DNHD1: variants seen among roughly 807,000 people sequenced by gnomAD.
DNHD1 encodes dynein heavy chain domain 1.
DNHD1 carries 383 observed loss-of-function variants against 458.1 expected under a neutral mutation model. The ratio of observed to expected loss-of-function variants is 0.84; its 90% confidence interval spans 0.77 to 0.91. The LOEUF is 0.91. Ranked by LOEUF, DNHD1 falls within the 40% of genes least tolerant of loss-of-function variation. DNHD1 has a pLI of 0.00. For missense variants in DNHD1, 5,336 were observed against 5,866.1 expected, an observed-to-expected ratio of 0.91 and a Z score of 2.95; for synonymous variants, 2,203 against 2,376.9, an observed-to-expected ratio of 0.93 and a Z score of 2.13.
In DNHD1 at chr11:6,538,786, C is replaced by G; in HGVS notation, c.3301C>G (p.Leu1101Val). The G allele has an allele frequency of 2.0e-6, 3 of 1,526,092 alleles. No homozygotes were observed. The highest frequency in any genetic ancestry group is 2.7e-6 in the Non-Finnish European group (3 of 1,131,930). The allele number at this position is 1,526,092 out of a possible 1,614,324, so 94.5% of individuals were successfully genotyped here. A position where few individuals can be genotyped will look rare whatever the true frequency, so the allele number is the denominator to read the frequency against. The change falls in exon 16 of 43, where the codon CTC (leucine) becomes GTC (valine). Residue 1101 changes from leucine to valine, a missense_variant. By Grantham distance (32) the Leu-to-Val change is conservative (BLOSUM62 1). Coordinates refer to ENST00000254579, the MANE Select transcript of DNHD1 (RefSeq NM_144666.3). ...TKLGSLHPQS[L>V]NCQCLLRALG... Reference sequence around the variant, plus strand: ...GCTGGGCAGCCTCCACCCACAGAGCCTCAACTGCCAGTGTCTCCTGCGTGG... The same window carrying G: ...GCTGGGCAGCCTCCACCCACAGAGCGTCAACTGCCAGTGTCTCCTGCGTGG...
At position 6,533,747 on chromosome 11, in the gene DNHD1, G is replaced by A. The variant is rs761053021; in HGVS notation, c.2572G>A (p.Glu858Lys). 1.1e-4 allele frequency: 167 copies of A among 1,551,350 alleles called. No individual in the cohort carries two copies. The highest frequency in any genetic ancestry group is 1.3e-4 in the Non-Finnish European group (146 of 1,146,954). The change falls in exon 14 of 43, where the codon GAA becomes AAA. Residue 858 changes from glutamate (E) to lysine (K), a missense_variant. Physicochemically the swap from Glu to Lys is moderately conservative, Grantham distance 56 (BLOSUM62 1). Transcript: ENST00000254579. ...AATGGAATACGTACGGGCACTCCAC[G>A]AACTCATCCGCAACCACTTTAGCCT... ...ERMEYVRALH[E>K]LIRNHFSLFS...
At chr11:6,534,212 A>G (rs1196181093) in intron 14 of DNHD1, 39 bp downstream of exon 14, 1 of 1,533,830 alleles carries the variant, frequency 6.5e-7, no homozygotes, top group Admixed American at 2.0e-5. Context: ...TCACTCTGTG[A>G]TAGACCCTTC....
Position 6,539,902 on chromosome 11 carries a change from T to A in DNHD1, c.3447T>A (p.Ile1149=), listed in dbSNP as rs1853057627. Residue 1149 remains isoleucine (I), a synonymous_variant, in exon 18 of 43, where the codon ATT becomes ATA. Transcript: ENST00000254579. Reference sequence around the variant, plus strand: ...TCTGGCAGAATGAAAATGAACGAATTCATGCCCAAGAGACTATACGGCGGT... The same window carrying A: ...TCTGGCAGAATGAAAATGAACGAATACATGCCCAAGAGACTATACGGCGGT... ...NQVWQNENER[I]HAQETIRRLQ... is the part of the protein sequence containing the mutation. The A allele has an allele frequency of 6.4e-7, 1 of 1,551,554 alleles. No individual in the cohort carries two copies. The highest frequency in any genetic ancestry group is 2.0e-5 in the Admixed American group (1 of 50,978).
Position 6,502,899 on chromosome 11 carries a change from T to A in DNHD1, c.893T>A (p.Leu298His). 6.2e-7 allele frequency: 1 copy of A among 1,613,724 alleles called. No homozygotes were observed. Residue 298 changes from leucine (L) to histidine (H), a missense_variant, in exon 4 of 43, where the codon CTC becomes CAC. By Grantham distance (99) the Leu-to-His change is moderately conservative. This residue lies in a region of DNHD1 where 3,932 missense variants were observed against 4,365.6 expected (regional missense o/e 0.90). Coordinates refer to ENST00000254579, the MANE Select transcript of DNHD1 (RefSeq NM_144666.3). ...RYLKKIHFLY[L>H]NVAPSRYFRP... ...CTGAAGAAGATCCACTTCCTCTATC[T>A]CAATGTGGCTCCCAGCCGGTACTTT...
Position 6,570,852 on chromosome 11 carries a change from A to G in DNHD1, c.13340A>G (p.Asn4447Ser), listed in dbSNP as rs759034183. 2.5e-6 allele frequency: 4 copies of G among 1,614,046 alleles called. No homozygotes were observed. The highest frequency in any genetic ancestry group is 3.3e-5 in the Admixed American group (2 of 60,036). Reference protein sequence around the residue: ...RRLRQRLVQVNRRLESLQDLL... With the variant: ...RRLRQRLVQVSRRLESLQDLL... ...CTGCGGCAACGCCTAGTGCAAGTCA[A>G]CCGGAGGCTGGAGTCACTGCAGGAT... is the stretch of plus-strand genomic sequence containing the variant. Residue 4447 changes from asparagine to serine, a missense_variant, in exon 42 of 43, where the codon AAC becomes AGC. Asn to Ser is a conservative substitution (Grantham distance 46). Transcript: ENST00000254579.
intron 3 of DNHD1, 97 bp from the exon 4 acceptor site, chr11:6,502,656 C>A: frequency 8.5e-7 from 1 of 1,179,766 alleles, no homozygotes; most frequent in Non-Finnish European, 1.2e-6. Context: ...GGCACCTGAT[C>A]TAGTCCTCCT....
Position 6,519,382 on chromosome 11 carries a change from C to T in DNHD1, c.1393-218C>T, listed in dbSNP as rs151288183. Among the ~76,000 whole-genome samples, 1,345 of 152,288 alleles carry T rather than the reference C, an allele frequency of 8.8e-3. 19 individuals are homozygous for T. The highest frequency in any genetic ancestry group is 0.03 in the African/African-American group (1,265 of 41,546). ...AGGCCTGGCCTACCACATTAGCACACTGTGACCTCTCAATATATGTTCTCT... is the reference window on the plus strand; with the variant it reads ...AGGCCTGGCCTACCACATTAGCACATTGTGACCTCTCAATATATGTTCTCT... On this transcript the variant is annotated intron_variant, in intron 7 of 42. Transcript: ENST00000254579.
chr11:6,518,943 G>T (rs1852546719), intron 7 of DNHD1, among the ~76,000 whole-genome samples: 1 of 152,268 alleles, frequency 6.6e-6, no homozygotes, highest in Middle Eastern at 3.4e-3. Context: ...GGAAAGCAGG[G>T]AAGACAAAGG....
rs907194185 is a variant in DNHD1, at chr11:6,545,502, C to T, written c.4563C>T (p.Ala1521=). The part of the protein sequence containing the change: ...VLVAEEVVWR[A]EMEEALLEWG... ...TGGCAGAGGAGGTGGTATGGCGGGC[C>T]GAGATGGAGGAGGCTCTGCTTGAGT... The change falls in exon 21 of 43, where the codon GCC becomes GCT. Residue 1521 remains alanine, a synonymous_variant. Coordinates refer to ENST00000254579, the MANE Select transcript of DNHD1 (RefSeq NM_144666.3). This position sits in a 1 kb window ranked among gnomAD's most constrained non-coding sequence, Gnocchi z 4.9. 41 of 1,551,522 alleles carry T rather than the reference C, an allele frequency of 2.6e-5. No individual in the cohort carries two copies. Among genetic ancestry groups the T allele is most frequent in the Non-Finnish European group, 2.9e-5 (33 of 1,146,998 alleles).
chr11:6,498,013 T>G lies in DNHD1; in HGVS notation c.-203T>G, dbSNP rs1315646914. The G allele has an allele frequency of 1.5e-6, 1 of 681,088 alleles. No homozygotes were observed. Among genetic ancestry groups the G allele is most frequent in the Non-Finnish European group, 2.5e-6 (1 of 399,040 alleles). 42.2% of individuals were successfully genotyped at this position (681,088 alleles called of 1,614,324 possible). ...TCTGGCTCTGCTCTGTAGCTCCATCTATTTCCCTGTCCCAGGTCCTTTCTT... is the reference window on the plus strand; with the variant it reads ...TCTGGCTCTGCTCTGTAGCTCCATCGATTTCCCTGTCCCAGGTCCTTTCTT... On this transcript the variant is annotated 5_prime_UTR_variant, in exon 3 of 43. Transcript: ENST00000254579.
chr11:6,525,255 T>C (rs1852687657), intron 10 of DNHD1, among the ~76,000 whole-genome samples: 1 of 152,194 alleles, frequency 6.6e-6, no homozygotes, highest in Admixed American at 6.5e-5. Context: ...AGACTCACTT[T>C]TACATCTCAC....
At chr11:6,499,434 G>A (rs10839567) in intron 3 of DNHD1, among the ~76,000 whole-genome samples, 84,860 of 151,956 alleles carry the variant, frequency 0.56, 24,689 homozygotes, top group African/African-American at 0.7. Context: ...GACTTAAACC[G>A]GCTCCAAGGC....
intron 10 of DNHD1, 84 bp from the exon 11 acceptor site, chr11:6,528,438 C>T (rs4296019): frequency 0.11 from 109,211 of 1,001,808 alleles, 2,115 homozygotes; most frequent in Middle Eastern, 0.13. Context: ...TGTGTGTGTA[C>T]ACACACTGAG....
At chr11:6,503,024 T>G in intron 4 of DNHD1, 98 bp downstream of exon 4, 2 of 1,328,008 alleles carry the variant, frequency 1.5e-6, no homozygotes, top group Non-Finnish European at 2.1e-6. Context: ...CCCTTCTCCC[T>G]GTCCTTTCTC....
intron 10 of DNHD1, among the ~76,000 whole-genome samples, chr11:6,525,794 G>A (rs1852699140): frequency 6.6e-6 from 1 of 152,088 alleles, no homozygotes; most frequent in South Asian, 2.1e-4. Flanking sequence ...ATTATGAGTT[G>A]CTATCAAAAA....
chr11:6,556,677 C>A lies in DNHD1; in HGVS notation c.7388-6C>A. 2.6e-6 allele frequency: 4 copies of A among 1,537,174 alleles called. No individual in the cohort carries two copies. Among genetic ancestry groups the A allele is most frequent in the Non-Finnish European group, 3.5e-6 (4 of 1,136,682 alleles). On this transcript the variant is annotated splice_region_variant and splice_polypyrimidine_tract_variant and intron_variant, in intron 24 of 42. Coordinates refer to ENST00000254579, the MANE Select transcript of DNHD1 (RefSeq NM_144666.3). ...TGTCCTCATTATTATTCCTCATGTC[C>A]CATAGACCCAGAGAAGAGCTGCCAG...
intron 41 of DNHD1, 56 bp downstream of exon 41, chr11:6,570,452 C>T: frequency 6.5e-7 from 1 of 1,530,556 alleles, no homozygotes; most frequent in Non-Finnish European, 8.8e-7. Context: ...TGCAATGCCA[C>T]CCCCCACAGA....
intron 10 of DNHD1, among the ~76,000 whole-genome samples, chr11:6,524,393 C>T (rs1477672481): frequency 6.6e-6 from 1 of 152,240 alleles, no homozygotes; most frequent in East Asian, 1.9e-4. Flanking sequence ...TCCAGTTCCT[C>T]TGCCCTGATT....
chr11:6,535,468 G>T (rs2134415709), intron 14 of DNHD1, among the ~76,000 whole-genome samples: 1 of 152,308 alleles, frequency 6.6e-6, no homozygotes, highest in East Asian at 1.9e-4. Context: ...CAGGGCTGTG[G>T]CAGGGTAGGT....
Sources: allele counts gnomAD v4.1 joint callset (sites outside exome capture counted in the v4.1 genomes callset), GRCh38; gene constraint gnomAD v4.1.1; regional missense constraint gnomAD v4.1.1; non-coding constraint Gnocchi (gnomAD v3.1); transcripts MANE v1.5; gene names NCBI Gene and HGNC (gene_info 2026-07-23, HGNC 2026-07-21).